FYB2: variants seen among roughly 807,000 people sequenced by gnomAD.
FYB2 encodes the protein FYN-binding protein 2.
A neutral mutation model predicts 94.1 loss-of-function variants in FYB2; 103 were observed. The observed-to-expected ratio is 1.09, with a 90% CI of 0.93 to 1.29. The LOEUF (loss-of-function observed/expected upper bound fraction) is 1.29. Among genes scored for constraint, FYB2 ranks in the 50% most tolerant of loss-of-function variants. The probability of loss-of-function intolerance (pLI) is 0.00; values close to 1 mark genes in which losing one functional copy is unlikely to be tolerated. For synonymous variants in FYB2, 293 were observed against 287.9 expected, an observed-to-expected ratio of 1.02 and a Z score of -0.18; for missense variants, 896 against 841.5, an observed-to-expected ratio of 1.06 and a Z score of -0.80.
At chr1:56,758,583 T>G in intron 6 of FYB2, 133 bp downstream of exon 6, 1 of 661,528 alleles carries the variant, frequency 1.5e-6, no homozygotes, top group Non-Finnish European at 2.4e-6. Context: ...GAAGCTGGAG[T>G]CTGGAAAATC....
At chr1:56,823,250 C>G (rs1034828011), upstream of FYB2, among the ~76,000 whole-genome samples, 1 of 152,062 alleles carries the variant, frequency 6.6e-6, no homozygotes, top group African/African-American at 2.4e-5. Flanking sequence ...ATCCATTGCT[C>G]TTTCCTCCAT....
intron 3 of FYB2, 100 bp from the exon 4 acceptor site, chr1:56,787,308 G>A (rs984250097): frequency 1.4e-6 from 2 of 1,438,262 alleles, no homozygotes; most frequent in African/African-American, 1.4e-5. Flanking sequence ...ATAATGTGGA[G>A]AGTGGAAGCT....
chr1:56,739,936 C>A (rs1280998669), intron 13 of FYB2, among the ~76,000 whole-genome samples: 1 of 152,036 alleles, frequency 6.6e-6, no homozygotes, highest in Admixed American at 6.6e-5. Flanking sequence ...ACAACCCCAT[C>A]ATAAATTGAG....
intron 16 of FYB2, among the ~76,000 whole-genome samples, chr1:56,724,287 C>T (rs529043903): frequency 4.6e-5 from 7 of 152,114 alleles, no homozygotes; most frequent in Non-Finnish European, 8.8e-5. Flanking sequence ...TGCCACAAAA[C>T]GTGTGAGAAT....
intron 15 of FYB2, among the ~76,000 whole-genome samples, chr1:56,729,279 G>A (rs1279767865): frequency 6.6e-6 from 1 of 152,110 alleles, no homozygotes; most frequent in Non-Finnish European, 1.5e-5. Flanking sequence ...TAATCTGGTT[G>A]AGAAACAATA....
chr1:56,754,988 G>A (rs1346524160), intron 7 of FYB2, among the ~76,000 whole-genome samples: 1 of 152,040 alleles, frequency 6.6e-6, no homozygotes, highest in African/African-American at 2.4e-5. Context: ...AGCTAAAGCA[G>A]GTTTTCTCCA....
chr1:56,791,282 A>C (rs1646258738), intron 2 of FYB2, among the ~76,000 whole-genome samples: 1 of 145,278 alleles, frequency 6.9e-6, no homozygotes, highest in African/African-American at 2.5e-5. Flanking sequence ...TTTAGACAGG[A>C]TCTTGCTCTG....
intron 1 of FYB2, among the ~76,000 whole-genome samples, chr1:56,809,779 T>C (rs1258211708): frequency 1.3e-5 from 2 of 152,158 alleles, no homozygotes; most frequent in African/African-American, 2.4e-5. Flanking sequence ...GTTAAGAACA[T>C]GGGCTTTGGA....
chr1:56,803,897 G>T (rs569495702), intron 1 of FYB2, among the ~76,000 whole-genome samples: 23 of 152,198 alleles, frequency 1.5e-4, no homozygotes, highest in Non-Finnish European at 2.9e-4. Context: ...CACCATCAAT[G>T]GCCCCTTCAA....
intron 4 of FYB2, among the ~76,000 whole-genome samples, chr1:56,777,947 A>G (rs576089037): frequency 6.6e-6 from 1 of 152,124 alleles, no homozygotes; most frequent in African/African-American, 2.4e-5. Flanking sequence ...GAGGCATCCT[A>G]TGGTTTTTAA....
Position 56,758,760 on chromosome 1 carries a change from A to G in FYB2, c.1064-10T>C. The G allele has an allele frequency of 6.3e-7, 1 of 1,591,550 alleles. No homozygotes were observed. The highest frequency in any genetic ancestry group is 8.6e-7 in the Non-Finnish European group (1 of 1,166,910). ...CCAACTTCATAAGTTGCTAAAGTAAACATAAAAAAATTATTTCAAGGCAGC... is the reference window on the plus strand; with the variant it reads ...CCAACTTCATAAGTTGCTAAAGTAAGCATAAAAAAATTATTTCAAGGCAGC... On this transcript the variant is annotated splice_polypyrimidine_tract_variant and intron_variant, in intron 5 of 19. Transcript: ENST00000343433.
At chr1:56,723,711 C>T (rs74351062) in intron 16 of FYB2, 30 bp from the exon 17 acceptor site, 18,318 of 1,291,084 alleles carry the variant, frequency 0.014, 351 homozygotes, top group South Asian at 0.059. Flanking sequence ...TAGGGTAAAA[C>T]GTACTATAAT....
chr1:56,730,326 G>A (rs1259442923), intron 15 of FYB2, among the ~76,000 whole-genome samples: 2 of 132,062 alleles, frequency 1.5e-5, no homozygotes, highest in African/African-American at 2.8e-5. Context: ...GGGGAGGGAG[G>A]AGGGGAGGGG....
At chr1:56,742,443 AC>A (rs1644977727) in intron 11 of FYB2, among the ~76,000 whole-genome samples, 1 of 152,070 alleles carries the variant, frequency 6.6e-6, no homozygotes, top group African/African-American at 2.4e-5. Context: ...ACTCATTTCC[AC>A]CTGATTCCAA....
At position 56,719,217 on chromosome 1, in the gene FYB2, A is replaced by G. The variant is rs1644440728; in HGVS notation, c.*454T>C. The stretch of plus-strand genomic sequence containing the variant: ...GATTATACCTTAAACTTGAGTATTT[A>G]AAAGACCTTGGTTACACTGTTTACT... On this transcript the variant is annotated 3_prime_UTR_variant, in exon 20 of 20. Coordinates refer to ENST00000343433, the MANE Select transcript of FYB2 (RefSeq NM_001004303.5). The G allele has an allele frequency of 6.5e-6, 1 of 154,016 alleles. No individual in the cohort carries two copies. Among genetic ancestry groups the G allele is most frequent in the Non-Finnish European group, 1.4e-5 (1 of 69,092 alleles). The allele number at this position is 154,016 out of a possible 1,614,324, so 9.5% of individuals were successfully genotyped here.
chr1:56,802,524 A>G (rs1646545501), intron 1 of FYB2, among the ~76,000 whole-genome samples: 1 of 152,222 alleles, frequency 6.6e-6, no homozygotes, highest in South Asian at 2.1e-4. Context: ...AAGACATTTT[A>G]GGCTAAAGGA....
intron 3 of FYB2, among the ~76,000 whole-genome samples, chr1:56,787,442 A>G (rs1646158232): frequency 6.6e-6 from 1 of 152,236 alleles, no homozygotes; most frequent in South Asian, 2.1e-4. Context: ...CTCTTGCATT[A>G]GACTTTGACC....
rs778472120 is a variant in FYB2, at chr1:56,723,568, A to T, written c.1974+20T>A. ...CTAGCTGTTAATATTGCTAATTTTT[A>T]CCTTCAGAAGAGAACGTACCTTAAA... On this transcript the variant is annotated intron_variant, in intron 17 of 19. Transcript: ENST00000343433. The T allele has an allele frequency of 2.8e-6, 4 of 1,405,810 alleles. No homozygotes were observed. The highest frequency in any genetic ancestry group is 4.8e-5 in the East Asian group (2 of 41,876). The allele number at this position is 1,405,810 out of a possible 1,614,324, so 87.1% of individuals were successfully genotyped here.
chr1:56,762,584 A>G (rs1330069991), intron 5 of FYB2, among the ~76,000 whole-genome samples: 1 of 152,206 alleles, frequency 6.6e-6, no homozygotes, highest in East Asian at 1.9e-4. Context: ...TTTGTATCCT[A>G]CAATCTTTCT....
Sources: allele counts gnomAD v4.1 joint callset (sites outside exome capture counted in the v4.1 genomes callset), GRCh38; gene constraint gnomAD v4.1.1; transcripts MANE v1.5; gene names NCBI Gene and HGNC (gene_info 2026-07-23, HGNC 2026-07-21).